VRK2: variants seen among roughly 807,000 people sequenced by gnomAD.
VRK2 encodes the protein serine/threonine-protein kinase VRK2.
VRK2 carries 60 observed loss-of-function variants against 57.6 expected under a neutral mutation model. The ratio of observed to expected loss-of-function variants is 1.04; its 90% confidence interval spans 0.85 to 1.29. The LOEUF is 1.29. VRK2 is among the 50% of genes most tolerant of loss of function. The pLI is 0.00. For synonymous variants in VRK2, 231 were observed against 199.2 expected (o/e 1.16, Z -1.35); for missense variants, 705 against 588.1 (o/e 1.20, Z -2.06).
intron 7 of VRK2, among the ~76,000 whole-genome samples, chr2:58,115,143 G>A (rs937153579): frequency 6.6e-6 from 1 of 152,150 alleles, no homozygotes; most frequent in Non-Finnish European, 1.5e-5. Flanking sequence ...TTGCTGGTGT[G>A]TGGCGATTAG....
intron 10 of VRK2, among the ~76,000 whole-genome samples, chr2:58,139,051 G>A (rs1465066117): frequency 6.6e-6 from 1 of 152,018 alleles, no homozygotes; most frequent in Non-Finnish European, 1.5e-5. Flanking sequence ...ATAAAAGATG[G>A]CAACTCCTCC....
intron 1 of VRK2, among the ~76,000 whole-genome samples, chr2:57,951,197 A>G (rs746528674): frequency 3.3e-5 from 5 of 152,162 alleles, no homozygotes; most frequent in Non-Finnish European, 5.9e-5. Context: ...ATCCTCATTA[A>G]TGACTTTGAG....
At chr2:58,086,500 A>T in intron 5 of VRK2, 74 bp downstream of exon 5, 1 of 1,298,682 alleles carries the variant, frequency 7.7e-7, no homozygotes, top group East Asian at 2.5e-5. Context: ...AACTATTGCC[A>T]TGTAACAAAT....
intron 7 of VRK2, among the ~76,000 whole-genome samples, chr2:58,110,193 CA>C (rs1328460534): frequency 6.6e-6 from 1 of 152,186 alleles, no homozygotes; most frequent in Non-Finnish European, 1.5e-5. Flanking sequence ...TTTTCATCTT[CA>C]TTCCATTCTT....
intron 7 of VRK2, among the ~76,000 whole-genome samples, chr2:58,090,144 C>T (rs1237737316): frequency 6.9e-6 from 1 of 145,216 alleles, no homozygotes; most frequent in Non-Finnish European, 1.5e-5. Context: ...GCCTGTAATC[C>T]CAGCACTTTG....
chr2:58,039,737 T>C (rs1484023706), intron 3 of VRK2, among the ~76,000 whole-genome samples: 1 of 152,046 alleles, frequency 6.6e-6, no homozygotes, highest in Non-Finnish European at 1.5e-5. Context: ...GGAAAGCATA[T>C]AACCTAAAAC....
At chr2:58,076,529 C>A (rs1266142086) in intron 2 of VRK2, among the ~76,000 whole-genome samples, 2 of 151,920 alleles carry the variant, frequency 1.3e-5, no homozygotes, top group Non-Finnish European at 2.9e-5. Flanking sequence ...ACCCTGTTGA[C>A]CATTGTAAGT....
At chr2:58,155,257 T>C (rs947140135) in intron 12 of VRK2, among the ~76,000 whole-genome samples, 6 of 152,214 alleles carry the variant, frequency 3.9e-5, no homozygotes, top group Non-Finnish European at 2.9e-5. Flanking sequence ...TGCCAACTCT[T>C]TGCTGTTTAA....
At chr2:58,143,250 C>T (rs1558695383) in intron 11 of VRK2, among the ~76,000 whole-genome samples, 1 of 151,978 alleles carries the variant, frequency 6.6e-6, no homozygotes, top group Non-Finnish European at 1.5e-5. Context: ...TTTTATAGAA[C>T]AGTGTGAAGT....
At position 58,143,163 on chromosome 2, in the gene VRK2, G is replaced by A. The variant is rs1227757545; in HGVS notation, c.1024-3153G>A. Among the ~76,000 whole-genome samples, 3 of 151,810 alleles carry A rather than the reference G, an allele frequency of 2.0e-5. No individual in the cohort carries two copies. The East Asian group carries it at 5.8e-4, about 29-fold the overall frequency. ...ACTTCTCTTTATTTTCTGTATATGA[G>A]GATAGTGAAATACAGATTCTTAATT... is the stretch of plus-strand genomic sequence containing the variant. On this transcript the variant is annotated intron_variant, in intron 11 of 12. Coordinates refer to ENST00000340157, the MANE Select transcript of VRK2 (RefSeq NM_006296.7).
At chr2:58,151,467 C>T (rs78265362) in intron 12 of VRK2, among the ~76,000 whole-genome samples, 2 of 151,572 alleles carry the variant, frequency 1.3e-5, no homozygotes, top group Non-Finnish European at 3.0e-5. Flanking sequence ...GTCTTTTTAT[C>T]TGTGGCTTTT....
intron 12 of VRK2, among the ~76,000 whole-genome samples, chr2:58,150,347 A>G (rs1300250965): frequency 6.6e-6 from 1 of 151,366 alleles, no homozygotes; most frequent in Non-Finnish European, 1.5e-5. Context: ...GTATTTTTCA[A>G]AGAATTTGTC....
intron 1 of VRK2, among the ~76,000 whole-genome samples, chr2:57,983,550 G>T (rs967718169): frequency 5.9e-5 from 9 of 152,144 alleles, no homozygotes; most frequent in South Asian, 2.1e-4. Context: ...AAATGGGAGG[G>T]AAAGGCATAG....
At chr2:58,048,343 A>G (rs1464218371) in intron 1 of VRK2, among the ~76,000 whole-genome samples, 1 of 152,204 alleles carries the variant, frequency 6.6e-6, no homozygotes, top group East Asian at 1.9e-4. Context: ...AGTACCTAGT[A>G]TCACGGTGGT....
chr2:57,991,788 A>T (rs1672775422), intron 1 of VRK2, among the ~76,000 whole-genome samples: 1 of 141,388 alleles, frequency 7.1e-6, no homozygotes, highest in Admixed American at 6.9e-5. Context: ...TCTACTAAAA[A>T]TACAAAAAAA....
intron 7 of VRK2, among the ~76,000 whole-genome samples, chr2:58,110,245 G>T (rs1177321392): frequency 2.6e-5 from 4 of 152,110 alleles, no homozygotes; most frequent in Non-Finnish European, 4.4e-5. Context: ...GTCATAAATT[G>T]GGGAGAACAT....
At chr2:58,098,016 AGGGG>A (rs1673407711) in intron 7 of VRK2, among the ~76,000 whole-genome samples, 3 of 152,066 alleles carry the variant, frequency 2.0e-5, no homozygotes, top group Non-Finnish European at 4.4e-5. Context: ...AAGACCTTCC[AGGGG>A]GATGAGATGT....
intron 1 of VRK2, among the ~76,000 whole-genome samples, chr2:58,025,265 T>C (rs1293228348): frequency 1.0e-5 from 1 of 98,502 alleles, no homozygotes; most frequent in African/African-American, 8.5e-5. Flanking sequence ...ATTGCTCATA[T>C]TTTTTTTTTT....
At chr2:57,938,334 G>A (rs750775284) in intron 1 of VRK2, among the ~76,000 whole-genome samples, 1 of 152,102 alleles carries the variant, frequency 6.6e-6, no homozygotes, top group African/African-American at 2.4e-5. Context: ...AAATACTTTG[G>A]AGAGGACCAT....
Sources: allele counts gnomAD v4.1 joint callset (sites outside exome capture counted in the v4.1 genomes callset), GRCh38; gene constraint gnomAD v4.1.1; transcripts MANE v1.5; gene names NCBI Gene and HGNC (gene_info 2026-07-23, HGNC 2026-07-21).